GMPS: variants seen among roughly 807,000 people sequenced by gnomAD.
GMPS encodes GMP synthase [glutamine-hydrolyzing].
Under a neutral mutation model 77.9 loss-of-function variants are expected in GMPS, and 15 were observed. The observed-to-expected ratio is 0.19, with a 90% CI of 0.13 to 0.30. The LOEUF (loss-of-function observed/expected upper bound fraction) is 0.30, where lower values mean the gene tolerates loss of function less well. Ranked by LOEUF, GMPS falls within the 10% of genes least tolerant of loss-of-function variation. The pLI is 1.00. For missense variants in GMPS, 590 were observed against 838.8 expected (o/e 0.70, Z 3.66); for synonymous variants, 224 against 275.9 (o/e 0.81, Z 1.86).
chr3:155,882,870 T>C (rs1754242637), intron 1 of GMPS, among the ~76,000 whole-genome samples: 1 of 152,214 alleles, frequency 6.6e-6, no homozygotes, highest in Non-Finnish European at 1.5e-5. Context: ...TAATACTATT[T>C]TACCAATTTT....
Position 155,931,798 on chromosome 3 carries a change from A to C in GMPS, c.1594A>C (p.Ile532Leu). The change falls in exon 13 of 16, where the codon ATC becomes CTC. Residue 532 changes from isoleucine (I) to leucine (L), a missense_variant. Transcript: ENST00000496455. Reference sequence around the variant, plus strand: ...TCGTTCCTACAGTTACGTGTGTGGAATCTCCAGTAAAGATGAACCTGACTG... The same window carrying C: ...TCGTTCCTACAGTTACGTGTGTGGACTCTCCAGTAAAGATGAACCTGACTG... ...DCRSYSYVCG[I>L]SSKDEPDWES... 6.3e-7 allele frequency: 1 copy of C among 1,579,400 alleles called. No homozygotes were observed. Among genetic ancestry groups the C allele is most frequent in the Non-Finnish European group, 8.7e-7 (1 of 1,149,066 alleles).
At chr3:155,913,921 C>T (rs889612297) in intron 7 of GMPS, among the ~76,000 whole-genome samples, 8 of 151,928 alleles carry the variant, frequency 5.3e-5, no homozygotes, top group Non-Finnish European at 1.2e-4. Flanking sequence ...TTCTGTTACT[C>T]AGGATTTATT....
intron 14 of GMPS, 106 bp from the exon 15 acceptor site, chr3:155,936,232 G>A: frequency 1.4e-6 from 1 of 709,846 alleles, no homozygotes; most frequent in Non-Finnish European, 2.5e-6. Flanking sequence ...TAACTACGCT[G>A]TGTGTGTATA....
chr3:155,893,670 A>G lies in GMPS; in HGVS notation c.180A>G (p.Pro60=), dbSNP rs760423128. The part of the protein sequence containing the change: ...VQSEIFPLET[P]AFAIKEQGFR... ...CTGAAATTTTCCCCTTGGAAACACC[A>G]GCATTTGCTATAAAGGAACAAGGAT... is the stretch of plus-strand genomic sequence containing the variant. The change falls in exon 2 of 16, where the codon CCA becomes CCG. Residue 60 remains proline (P), a synonymous_variant. Transcript: ENST00000496455. The G allele has an allele frequency of 6.2e-7, 1 of 1,609,380 alleles. No individual in the cohort carries two copies. The highest frequency in any genetic ancestry group is 1.1e-5 in the South Asian group (1 of 90,672).
chr3:155,943,788 C>T lies in GMPS; in HGVS notation c.*6096C>T, dbSNP rs12497838. Reference sequence around the variant, plus strand: ...TATGAGAAATTCCAAGAAGTAAGAGCCAAGAGGACAGATATTATCAGAATA... The same window carrying T: ...TATGAGAAATTCCAAGAAGTAAGAGTCAAGAGGACAGATATTATCAGAATA... On this transcript the variant is annotated 3_prime_UTR_variant, in exon 16 of 16. Transcript: ENST00000496455. The T allele has an allele frequency of 0.061, 9,605 of 157,778 alleles. 387 individuals are homozygous for T. Among genetic ancestry groups the T allele is most frequent in the East Asian group, 0.18 (1,125 of 6,302 alleles). 9.8% of individuals were successfully genotyped at this position (157,778 alleles called of 1,614,324 possible). A position where few individuals can be genotyped will look rare whatever the true frequency, so the allele number is the denominator to read the frequency against.
At chr3:155,876,828 T>C (rs757134072) in intron 1 of GMPS, among the ~76,000 whole-genome samples, 1 of 152,180 alleles carries the variant, frequency 6.6e-6, no homozygotes, top group Non-Finnish European at 1.5e-5. Flanking sequence ...GAAAACTGAG[T>C]GTCATTAATT....
intron 9 of GMPS, among the ~76,000 whole-genome samples, chr3:155,916,432 C>T (rs1755181613): frequency 2.6e-5 from 4 of 151,992 alleles, no homozygotes; most frequent in Admixed American, 2.6e-4. Flanking sequence ...TTCTTGCCAG[C>T]CCTAGGCAAT....
At chr3:155,925,095 A>G (rs888409536) in intron 11 of GMPS, 146 bp from the exon 12 acceptor site, 2 of 582,150 alleles carry the variant, frequency 3.4e-6, no homozygotes, top group Non-Finnish European at 5.9e-6. Flanking sequence ...AATTTCTGGC[A>G]TAGTGCATAG....
chr3:155,908,285 C>A (rs1440619846), intron 5 of GMPS, among the ~76,000 whole-genome samples: 1 of 152,136 alleles, frequency 6.6e-6, no homozygotes, highest in African/African-American at 2.4e-5. Context: ...AAGTTCTCAC[C>A]CTTTGCAGGA....
At chr3:155,919,127 A>G (rs926691366) in intron 9 of GMPS, 106 bp from the exon 10 acceptor site, 1 of 580,076 alleles carries the variant, frequency 1.7e-6, no homozygotes, top group Non-Finnish European at 3.1e-6. Context: ...ATAATCTGTT[A>G]GTCTAAGAAA....
chr3:155,937,952 C>A lies in GMPS; in HGVS notation c.*260C>A. 2 of 359,816 alleles carry A rather than the reference C, an allele frequency of 5.6e-6. No individual in the cohort carries two copies. The highest frequency in any genetic ancestry group is 7.4e-5 in the South Asian group (1 of 13,434). 22.3% of individuals were successfully genotyped at this position (359,816 alleles called of 1,614,324 possible). On this transcript the variant is annotated 3_prime_UTR_variant, in exon 16 of 16. Transcript: ENST00000496455. ...TGCTTTTGCCTTTGCCTCACTTATT[C>A]TTTATGTATAAATTCACTGTTGATG...
chr3:155,902,399 G>C (rs537806117), intron 3 of GMPS, among the ~76,000 whole-genome samples: 14 of 152,242 alleles, frequency 9.2e-5, no homozygotes, highest in African/African-American at 3.4e-4. Context: ...TGCATGACCT[G>C]CAAGCAAAGA....
rs57162177 is a variant in GMPS, at chr3:155,906,303, CTT to C, written c.526+42_526+43del. The stretch of plus-strand genomic sequence containing the variant: ...AATTTTGCAGAGTTCATTTAAAAAA[CTT>C]TATCTGAAGAGTAAGCATATGCTTC... On this transcript the variant is annotated intron_variant, in intron 5 of 15. Coordinates refer to ENST00000496455, the MANE Select transcript of GMPS (RefSeq NM_003875.3). The C allele has an allele frequency of 4.5e-3, 5,428 of 1,210,722 alleles. 199 individuals are homozygous for C. In the African/African-American group the frequency reaches 0.07, roughly 16 times the overall value. The allele number at this position is 1,210,722 out of a possible 1,614,324, so 75.0% of individuals were successfully genotyped here.
chr3:155,915,966 G>T, intron 8 of GMPS, 53 bp from the exon 9 acceptor site: 1 of 1,232,598 alleles, frequency 8.1e-7, no homozygotes, highest in South Asian at 1.4e-5. Flanking sequence ...ATAAACTTTT[G>T]CTTTTAAAAA....
At chr3:155,921,278 T>C (rs1755311477) in intron 10 of GMPS, among the ~76,000 whole-genome samples, 1 of 152,164 alleles carries the variant, frequency 6.6e-6, no homozygotes, top group East Asian at 1.9e-4. Flanking sequence ...CCAGTTCACA[T>C]TTTTTGGTAT....
rs1209069814 is a variant in GMPS, at chr3:155,940,629, C to T, written c.*2937C>T. ...TGGTCAAGTCATTTCTGTTCTTTAT[C>T]TGTGACATGAGGTAACTGTATTAAA... On this transcript the variant is annotated 3_prime_UTR_variant, in exon 16 of 16. Transcript: ENST00000496455. 2 of 218,074 alleles carry T rather than the reference C, an allele frequency of 9.2e-6. No individual in the cohort carries two copies. The highest frequency in any genetic ancestry group is 1.8e-5 in the Non-Finnish European group (2 of 108,798). The allele number at this position is 218,074 out of a possible 1,614,324, so 13.5% of individuals were successfully genotyped here.
intron 2 of GMPS, chr3:155,895,644 A>T (rs1208091417): frequency 6.6e-6 from 1 of 152,170 alleles, no homozygotes; most frequent in South Asian, 2.1e-4. Flanking sequence ...TGCCTGATAC[A>T]TAAAATTGGT....
intron 5 of GMPS, 58 bp downstream of exon 5, chr3:155,906,321 C>T: frequency 2.1e-6 from 2 of 942,962 alleles, no homozygotes; most frequent in East Asian, 2.4e-5. Flanking sequence ...GAAGAGTAAG[C>T]ATATGCTTCT....
At chr3:155,925,154 G>T (rs1755420143) in intron 11 of GMPS, 87 bp from the exon 12 acceptor site, 2 of 1,228,940 alleles carry the variant, frequency 1.6e-6, no homozygotes, top group Non-Finnish European at 2.3e-6. Flanking sequence ...CTAAAAACCA[G>T]TAAAATACAT....
Sources: allele counts gnomAD v4.1 joint callset (sites outside exome capture counted in the v4.1 genomes callset), GRCh38; gene constraint gnomAD v4.1.1; transcripts MANE v1.5; gene names NCBI Gene and HGNC (gene_info 2026-07-23, HGNC 2026-07-21).